The following MGRN1 variants were observed in gnomAD, a reference collection of about 807,000 sequenced individuals.
MGRN1 encodes the protein E3 ubiquitin-protein ligase MGRN1.
Under a neutral mutation model 69.2 loss-of-function variants are expected in MGRN1, and 29 were observed. That is an observed-to-expected ratio of 0.42 (90% CI 0.31 to 0.57). The LOEUF is 0.57. Ranked by LOEUF, MGRN1 falls within the 20% of genes least tolerant of loss-of-function variation. MGRN1 has a pLI of 0.15. For missense variants in MGRN1, 998 were observed against 796.2 expected (o/e 1.25, Z -3.05); for synonymous variants, 470 against 344.2 (o/e 1.37, Z -4.04).
rs113961140 is a variant in MGRN1 at position 4,629,273 on chromosome 16, A to C, written c.88+4225A>C. 1.3e-3 allele frequency among the ~76,000 whole-genome samples: 205 copies of C among 152,018 alleles called. 2 individuals are homozygous for C. Among genetic ancestry groups the C allele is most frequent in the African/African-American group, 4.7e-3 (195 of 41,468 alleles). ...ACGGAGTTGTAACAAAGAGTTCTTT[A>C]TGTGTTCTGGATAGGATTCTCCTGT... On this transcript the variant is annotated intron_variant, in intron 1 of 16. Transcript: ENST00000262370.
At chr16:4,649,725 G>A (rs1464141765) in intron 1 of MGRN1, 1 of 152,570 alleles carries the variant, frequency 6.6e-6, no homozygotes, top group East Asian at 1.9e-4. Context: ...AACTTCATCG[G>A]AAACACAGCT....
At chr16:4,669,478 A>G (rs575828028) in intron 8 of MGRN1, among the ~76,000 whole-genome samples, 2 of 145,238 alleles carry the variant, frequency 1.4e-5, no homozygotes, top group Admixed American at 1.4e-4. Flanking sequence ...ACTTCCCTGT[A>G]GAGCTCTAAG....
intron 4 of MGRN1, among the ~76,000 whole-genome samples, chr16:4,656,066 C>G (rs1393262370): frequency 6.6e-6 from 1 of 152,182 alleles, no homozygotes. Context: ...CTTGGTGTGC[C>G]TTTGTCCAGG....
Position 4,678,436 on chromosome 16 carries a change from G to C in MGRN1, c.1065+864G>C, listed in dbSNP as rs991529558. Reference sequence around the variant, plus strand: ...GTGGAGAGACACAGAGACAGGATGAGAGAGATGTGGAGAGACAAAGGGAGA... The same window carrying C: ...GTGGAGAGACACAGAGACAGGATGACAGAGATGTGGAGAGACAAAGGGAGA... On this transcript the variant is annotated intron_variant, in intron 11 of 16. Transcript: ENST00000262370. Among the ~76,000 whole-genome samples, 299 of 152,230 alleles carry C rather than the reference G, an allele frequency of 2.0e-3. 5 individuals are homozygous for C. Among genetic ancestry groups the C allele is most frequent in the Non-Finnish European group, 4.9e-4 (33 of 68,020 alleles).
At chr16:4,642,781 C>T (rs531238751) in intron 1 of MGRN1, among the ~76,000 whole-genome samples, 8 of 150,642 alleles carry the variant, frequency 5.3e-5, no homozygotes, top group Non-Finnish European at 8.9e-5. Flanking sequence ...TAATTTTTAA[C>T]GCTTGAATTT....
At chr16:4,665,298 G>A in intron 7 of MGRN1, 147 bp downstream of exon 7, 1 of 761,064 alleles carries the variant, frequency 1.3e-6, no homozygotes, top group South Asian at 1.7e-5. Flanking sequence ...CGTGTCTGTG[G>A]CTTCCTGCTT....
At chr16:4,679,780 T>G (rs923956961) in intron 11 of MGRN1, among the ~76,000 whole-genome samples, 17 of 152,032 alleles carry the variant, frequency 1.1e-4, no homozygotes, top group African/African-American at 3.4e-4. Flanking sequence ...GGACAGGCAA[T>G]GGGGATGAGA....
At chr16:4,645,053 C>T (rs533234180) in intron 1 of MGRN1, among the ~76,000 whole-genome samples, 1 of 150,694 alleles carries the variant, frequency 6.6e-6, no homozygotes, top group South Asian at 2.1e-4. Flanking sequence ...TCACTTATTA[C>T]CTATGCAGGT....
At chr16:4,651,509 G>C (rs2078405725) in intron 2 of MGRN1, among the ~76,000 whole-genome samples, 1 of 152,226 alleles carries the variant, frequency 6.6e-6, no homozygotes, top group African/African-American at 2.4e-5. Flanking sequence ...AACAGAGGAA[G>C]AGGTGAGAGG....
At chr16:4,635,468 C>CT (rs960475923) in intron 1 of MGRN1, among the ~76,000 whole-genome samples, 30 of 148,936 alleles carry the variant, frequency 2.0e-4, no homozygotes, top group East Asian at 1.2e-3. Flanking sequence ...CTAACATATT[C>CT]TTTTTTTTTT....
intron 1 of MGRN1, chr16:4,634,725 C>T (rs1184866765): frequency 6.6e-6 from 1 of 152,336 alleles, no homozygotes; most frequent in African/African-American, 2.4e-5. Flanking sequence ...TTCCATAGAC[C>T]TGGGCGAAGA....
At chr16:4,628,385 C>CA (rs35474754) in intron 1 of MGRN1, among the ~76,000 whole-genome samples, 3,216 of 93,972 alleles carry the variant, frequency 0.034, 152 homozygotes, top group African/African-American at 0.11. Flanking sequence ...ACTCTGTCTC[C>CA]AAAAAAAAAA....
chr16:4,663,140 T>G (rs1231132253), intron 5 of MGRN1, among the ~76,000 whole-genome samples: 1 of 151,820 alleles, frequency 6.6e-6, no homozygotes, highest in Non-Finnish European at 1.5e-5. Context: ...CTCGGCTCAC[T>G]GCAATCTCCG....
chr16:4,671,437 A>G lies in MGRN1; in HGVS notation c.773A>G (p.Asn258Ser). 6.2e-7 allele frequency: 1 copy of G among 1,614,074 alleles called. No homozygotes were observed. The highest frequency in any genetic ancestry group is 8.5e-7 in the Non-Finnish European group (1 of 1,179,974). ...YLLQEIYGIENKNNQETKPSD... is the reference protein window; with the variant it reads ...YLLQEIYGIESKNNQETKPSD... ...CTGCAGGAGATCTATGGCATTGAGAACAAGAACAACCAGGAGACCAAGGTG... is the reference window on the plus strand; with the variant it reads ...CTGCAGGAGATCTATGGCATTGAGAGCAAGAACAACCAGGAGACCAAGGTG... The change falls in exon 9 of 17, where the codon AAC becomes AGC. Residue 258 changes from asparagine to serine, a missense_variant. By Grantham distance (46) the Asn-to-Ser change is conservative. Coordinates refer to ENST00000262370, the MANE Select transcript of MGRN1 (RefSeq NM_015246.4).
At chr16:4,643,954 C>T (rs1227142779) in intron 1 of MGRN1, among the ~76,000 whole-genome samples, 2 of 151,232 alleles carry the variant, frequency 1.3e-5, no homozygotes, top group Non-Finnish European at 2.9e-5. Flanking sequence ...ATGATTTCAG[C>T]CTCAATGCTA....
chr16:4,638,888 G>C (rs1028124195), intron 1 of MGRN1, among the ~76,000 whole-genome samples: 4 of 152,168 alleles, frequency 2.6e-5, no homozygotes, highest in African/African-American at 7.2e-5. Context: ...TCCACCCCTG[G>C]TGTCCCGGGT....
Position 4,689,105 on chromosome 16 carries a change from T to C in MGRN1, c.*197T>C, listed in dbSNP as rs1475113904. The C allele has an allele frequency of 1.5e-6, 1 of 682,686 alleles. No homozygotes were observed. Among genetic ancestry groups the C allele is most frequent in the Non-Finnish European group, 2.3e-6 (1 of 439,442 alleles). 42.3% of individuals were successfully genotyped at this position (682,686 alleles called of 1,614,324 possible). A position where few individuals can be genotyped will look rare whatever the true frequency, so the allele number is the denominator to read the frequency against. ...GTCTCCCTTTTCTACAGTTGATATA[T>C]TTGTAACTGGTACAAGATGAAGGAC... is the stretch of plus-strand genomic sequence containing the variant. On this transcript the variant is annotated 3_prime_UTR_variant, in exon 17 of 17. Coordinates refer to ENST00000262370, the MANE Select transcript of MGRN1 (RefSeq NM_015246.4).
Position 4,683,397 on chromosome 16 carries a change from G to T in MGRN1, c.1528+128G>T, listed in dbSNP as rs1035650999. 2.7e-6 allele frequency: 3 copies of T among 1,114,298 alleles called. No individual in the cohort carries two copies. The South Asian group carries it at 4.4e-5, about 16-fold the overall frequency. The allele number at this position is 1,114,298 out of a possible 1,614,324, so 69.0% of individuals were successfully genotyped here. On this transcript the variant is annotated intron_variant, in intron 15 of 16. Transcript: ENST00000262370. ...TGCCCCAGGAACCCTCGGCCAAGAG[G>T]CCCCCCTCGGCGGCACTGGGATCCC...
intron 5 of MGRN1, among the ~76,000 whole-genome samples, chr16:4,661,588 C>T (rs758191868): frequency 1.1e-4 from 17 of 152,386 alleles, no homozygotes; most frequent in Admixed American, 7.8e-4. Context: ...GACTTGATGC[C>T]GGCAGCCTTG....
Sources: allele counts gnomAD v4.1 joint callset (sites outside exome capture counted in the v4.1 genomes callset), GRCh38; gene constraint gnomAD v4.1.1; transcripts MANE v1.5; gene names NCBI Gene and HGNC (gene_info 2026-07-23, HGNC 2026-07-21).